The following RBBP4 variants were observed in gnomAD, a reference collection of about 807,000 sequenced individuals.
RBBP4 encodes the protein RB binding protein 4, chromatin remodeling factor, also known as histone-binding protein RBBP4.
A neutral mutation model predicts 57.2 loss-of-function variants in RBBP4; 3 were observed. The ratio of observed to expected loss-of-function variants is 0.05; its 90% CI spans 0.02 to 0.14. The LOEUF is 0.14. Ranked by LOEUF, RBBP4 falls within the 10% of genes least tolerant of loss-of-function variation. RBBP4 has a pLI of 1.00. For synonymous variants in RBBP4, 151 were observed against 171.5 expected (o/e 0.88, Z 0.93); for missense variants, 107 against 520.6 (o/e 0.21, Z 7.73).
chr1:32,656,493 C>CA (rs1353347298), intron 2 of RBBP4, among the ~76,000 whole-genome samples: 2 of 152,194 alleles, frequency 1.3e-5, no homozygotes, highest in African/African-American at 4.8e-5. Context: ...GCTAGGACTA[C>CA]AGGCACCGCC....
At position 32,684,108 on chromosome 1, in the gene RBBP4, A is replaced by G; in HGVS notation, c.*4403A>G. On this transcript the variant is annotated 3_prime_UTR_variant, in exon 12 of 12. Transcript: ENST00000373493. ...CATAGCCCTTTAAAAAGAGAGAGCC[A>G]TTTTCCATGTGTTTTTGGATAAGCA... 6.2e-7 allele frequency: 1 copy of G among 1,611,648 alleles called. No individual in the cohort carries two copies. Among genetic ancestry groups the G allele is most frequent in the Non-Finnish European group, 8.5e-7 (1 of 1,179,010 alleles).
rs774107563 is a variant in RBBP4 at position 32,681,778 on chromosome 1, C to G, written c.*2073C>G. On this transcript the variant is annotated 3_prime_UTR_variant, in exon 12 of 12. Coordinates refer to ENST00000373493, the MANE Select transcript of RBBP4 (RefSeq NM_005610.3). The stretch of plus-strand genomic sequence containing the variant: ...TCTTGTCTGGTTGGAAGAGTACATC[C>G]AAAGGGTACTTAGTGATCCTTTGCT... 43 of 1,613,602 alleles carry G rather than the reference C, an allele frequency of 2.7e-5. No individual in the cohort carries two copies. The highest frequency in any genetic ancestry group is 2.2e-4 in the Admixed American group (13 of 59,982).
rs1025882213 is a variant in RBBP4, at chr1:32,657,469, G to A, written c.207G>A (p.Gly69=). ...TCAGCATTCATCGACTTGTCCTGGG[G>A]ACACACACATCGGATGAACAAAACC... ...KDFSIHRLVL[G]THTSDEQNHL... The change falls in exon 3 of 12, where the codon GGG becomes GGA. Residue 69 remains glycine, a synonymous_variant. Coordinates refer to ENST00000373493, the MANE Select transcript of RBBP4 (RefSeq NM_005610.3). 4 of 1,613,896 alleles carry A rather than the reference G, an allele frequency of 2.5e-6. No homozygotes were observed. Among genetic ancestry groups the A allele is most frequent in the Non-Finnish European group, 2.5e-6 (3 of 1,179,920 alleles).
At position 32,683,984 on chromosome 1, in the gene RBBP4, A is replaced by G. The variant is rs985671356; in HGVS notation, c.*4279A>G. 1.9e-6 allele frequency: 3 copies of G among 1,606,866 alleles called. No homozygotes were observed. Among genetic ancestry groups the G allele is most frequent in the Non-Finnish European group, 2.6e-6 (3 of 1,173,956 alleles). ...TTAGGAAAGCAGTAACAATGCAAAC[A>G]CCACTCTTCTCTTCACAAAGATCAC... is the stretch of plus-strand genomic sequence containing the variant. On this transcript the variant is annotated 3_prime_UTR_variant, in exon 12 of 12. Coordinates refer to ENST00000373493, the MANE Select transcript of RBBP4 (RefSeq NM_005610.3).
chr1:32,680,301 T>C lies in RBBP4; in HGVS notation c.*596T>C. 7.8e-7 allele frequency: 1 copy of C among 1,288,346 alleles called. No homozygotes were observed. Among genetic ancestry groups the C allele is most frequent in the South Asian group, 2.5e-5 (1 of 40,024 alleles). The allele number at this position is 1,288,346 out of a possible 1,614,324, so 79.8% of individuals were successfully genotyped here. On this transcript the variant is annotated 3_prime_UTR_variant, in exon 12 of 12. Coordinates refer to ENST00000373493, the MANE Select transcript of RBBP4 (RefSeq NM_005610.3). ...TTGCTCGTTAGTGTATTTCTTGAGC[T>C]GTTTTCATGTTGTTTATTTCCTGTC...
rs765744022 is a variant in RBBP4, at chr1:32,679,723, G to A, written c.*18G>A. On this transcript the variant is annotated 3_prime_UTR_variant, in exon 12 of 12. Transcript: ENST00000373493. ...GGTCCTAGATATGTCTTTACTTGTT[G>A]TGATTTTAGACTCCCCTTTTTTCTT... 4.3e-6 allele frequency: 7 copies of A among 1,612,430 alleles called. No individual in the cohort carries two copies. The highest frequency in any genetic ancestry group is 5.9e-6 in the Non-Finnish European group (7 of 1,179,316).
chr1:32,684,071 C>A lies in RBBP4; in HGVS notation c.*4366C>A. On this transcript the variant is annotated 3_prime_UTR_variant, in exon 12 of 12. Coordinates refer to ENST00000373493, the MANE Select transcript of RBBP4 (RefSeq NM_005610.3). Reference sequence around the variant, plus strand: ...TGGGAGCATCAGCCTGTTCCAGGCTCTTGGGTAGTAGCATAGCCCTTTAAA... The same window carrying A: ...TGGGAGCATCAGCCTGTTCCAGGCTATTGGGTAGTAGCATAGCCCTTTAAA... 6.2e-7 allele frequency: 1 copy of A among 1,614,024 alleles called. No homozygotes were observed. The highest frequency in any genetic ancestry group is 8.5e-7 in the Non-Finnish European group (1 of 1,180,026).
At chr1:32,677,483 A>C (rs982095291) in intron 11 of RBBP4, among the ~76,000 whole-genome samples, 1 of 133,796 alleles carries the variant, frequency 7.5e-6, no homozygotes, top group Admixed American at 7.5e-5. Context: ...AAAAAAAAAC[A>C]AAACAAAAAA....
chr1:32,675,147 C>T (rs899747706), intron 11 of RBBP4, among the ~76,000 whole-genome samples: 1 of 152,068 alleles, frequency 6.6e-6, no homozygotes, highest in Non-Finnish European at 1.5e-5. Flanking sequence ...TCTCCTGCCT[C>T]AGCCTCCCGA....
intron 8 of RBBP4, among the ~76,000 whole-genome samples, chr1:32,670,454 T>A (rs1168310563): frequency 2.6e-5 from 4 of 152,200 alleles, no homozygotes; most frequent in Non-Finnish European, 4.4e-5. Flanking sequence ...CAGGTCTGAT[T>A]GCAAAAATTA....
chr1:32,675,662 G>A (rs1019862098), intron 11 of RBBP4, among the ~76,000 whole-genome samples: 8 of 151,968 alleles, frequency 5.3e-5, no homozygotes, highest in East Asian at 2.0e-4. Context: ...CCAGCTACTC[G>A]GGAGGCTGAG....
rs1215648390 is a variant in RBBP4, at chr1:32,679,594, TAGA to T, written c.1213-40_1213-38del. On this transcript the variant is annotated intron_variant, in intron 11 of 11. Coordinates refer to ENST00000373493, the MANE Select transcript of RBBP4 (RefSeq NM_005610.3). ...AATCTGTTGTTGAAACCTTGAGTTTTAGAAGAAGTCTTCATGTTTAAATTCTTT... is the reference window on the plus strand; with the variant it reads ...AATCTGTTGTTGAAACCTTGAGTTTTAGAAGTCTTCATGTTTAAATTCTTT... The T allele has an allele frequency of 5.3e-6, 8 of 1,516,428 alleles. No homozygotes were observed. In the South Asian group the frequency reaches 6.6e-5, roughly 12 times the overall value. The allele number at this position is 1,516,428 out of a possible 1,614,324, so 93.9% of individuals were successfully genotyped here.
At chr1:32,666,809 A>G (rs1648673771) in intron 3 of RBBP4, among the ~76,000 whole-genome samples, 1 of 152,238 alleles carries the variant, frequency 6.6e-6, no homozygotes, top group Non-Finnish European at 1.5e-5. Context: ...AGAGATGATC[A>G]TGGACATTAT....
chr1:32,676,380 A>G (rs1267255296), intron 11 of RBBP4, among the ~76,000 whole-genome samples: 3 of 152,154 alleles, frequency 2.0e-5, no homozygotes, highest in Admixed American at 1.3e-4. Flanking sequence ...CGAGGTGGGC[A>G]GATCACCTGA....
chr1:32,651,607 C>A, intron 1 of RBBP4: 1 of 859,154 alleles, frequency 1.2e-6, no homozygotes, highest in Non-Finnish European at 1.7e-6. Context: ...CGTGGGGACA[C>A]CGCTTCCTAC....
At chr1:32,672,938 AAGTG>A in intron 11 of RBBP4, 37 bp downstream of exon 11, 2 of 1,465,236 alleles carry the variant, frequency 1.4e-6, no homozygotes, top group Non-Finnish European at 1.9e-6. Flanking sequence ...GAGGTGAAAT[AAGTG>A]AGACATAGAA....
intron 8 of RBBP4, among the ~76,000 whole-genome samples, chr1:32,671,624 T>G (rs1440009317): frequency 6.6e-6 from 1 of 151,608 alleles, no homozygotes; most frequent in Non-Finnish European, 1.5e-5. Flanking sequence ...CGCAGGAGGT[T>G]GAGGCAGCGA....
chr1:32,655,299 G>C (rs965192458), intron 2 of RBBP4, among the ~76,000 whole-genome samples: 1 of 151,980 alleles, frequency 6.6e-6, no homozygotes, highest in Non-Finnish European at 1.5e-5. Flanking sequence ...TTTAAGATGA[G>C]GATTACTTAC....
chr1:32,657,589 T>C lies in RBBP4; in HGVS notation c.310+17T>C. ...AGAAAGGAGGTAGGAATCTTAAAGG[T>C]GAAAGAAGTAAAGATGTGTGGGTCA... On this transcript the variant is annotated intron_variant, in intron 3 of 11. Transcript: ENST00000373493. 1 of 1,611,952 alleles carries C rather than the reference T, an allele frequency of 6.2e-7. No homozygotes were observed. Among genetic ancestry groups the C allele is most frequent in the Non-Finnish European group, 8.5e-7 (1 of 1,178,772 alleles).
Sources: allele counts gnomAD v4.1 joint callset (sites outside exome capture counted in the v4.1 genomes callset), GRCh38; gene constraint gnomAD v4.1.1; transcripts MANE v1.5; gene names NCBI Gene and HGNC (gene_info 2026-07-23, HGNC 2026-07-21).